CAST: variants seen among roughly 807,000 people sequenced by gnomAD.
The protein encoded by CAST is calpastatin, also known as MIR583 host.
Under a neutral mutation model 119.6 loss-of-function variants are expected in CAST, and 76 were observed. The ratio of observed to expected loss-of-function variants is 0.64; its 90% CI spans 0.53 to 0.77. The LOEUF is 0.77. Ranked by LOEUF, CAST falls within the 30% of genes least tolerant of loss-of-function variation. The probability of loss-of-function intolerance (pLI) is 0.00; values close to 1 mark genes in which losing one functional copy is unlikely to be tolerated. For missense variants in CAST, 953 were observed against 946.5 expected, an observed-to-expected ratio of 1.01 and a Z score of -0.09; for synonymous variants, 319 against 331.6, an observed-to-expected ratio of 0.96 and a Z score of 0.41.
At chr5:96,443,332 C>A in the CAST span, among the ~76,000 whole-genome samples, 1 of 152,286 alleles carries the variant, frequency 6.6e-6, no homozygotes, top group African/African-American at 2.4e-5. Context: ...ATTATTCTTA[C>A]AATCCAATAA....
intron 1 of CAST, among the ~76,000 whole-genome samples, chr5:96,564,439 A>G (rs976006510): frequency 6.6e-6 from 1 of 152,258 alleles, no homozygotes; most frequent in Non-Finnish European, 1.5e-5. Flanking sequence ...TTCCTTTTCA[A>G]AACAGAATCC....
At chr5:96,221,244 A>G in the CAST span, among the ~76,000 whole-genome samples, 2 of 152,252 alleles carry the variant, frequency 1.3e-5, no homozygotes, top group South Asian at 4.1e-4. Flanking sequence ...CCTATTCAAC[A>G]TAATACTGGA....
chr5:96,491,822 A>G, the CAST span, among the ~76,000 whole-genome samples: 1 of 152,244 alleles, frequency 6.6e-6, no homozygotes, highest in Non-Finnish European at 1.5e-5. Flanking sequence ...CACTATATGC[A>G]ATGAAGATGA....
chr5:96,479,451 T>C, the CAST span, among the ~76,000 whole-genome samples: 1 of 87,540 alleles, frequency 1.1e-5, no homozygotes, highest in Non-Finnish European at 2.4e-5. Flanking sequence ...CAGGCACTCC[T>C]TATTTTTTTT....
At chr5:96,169,321 G>T in the CAST span, among the ~76,000 whole-genome samples, 37 of 152,294 alleles carry the variant, frequency 2.4e-4, 1 homozygote, top group African/African-American at 8.2e-4. Context: ...AACTGAAAGC[G>T]AAGAGAGGCT....
chr5:96,216,734 T>C, the CAST span, among the ~76,000 whole-genome samples: 4 of 152,260 alleles, frequency 2.6e-5, no homozygotes, highest in African/African-American at 9.6e-5. Flanking sequence ...AGTTTTATCA[T>C]TAGCATCAAA....
At chr5:96,211,669 A>T in the CAST span, among the ~76,000 whole-genome samples, 1 of 152,008 alleles carries the variant, frequency 6.6e-6, no homozygotes, top group Non-Finnish European at 1.5e-5. Context: ...TGAATTAGGC[A>T]TGTTATCTTA....
chr5:96,232,584 G>A, the CAST span, among the ~76,000 whole-genome samples: 925 of 151,996 alleles, frequency 6.1e-3, 11 homozygotes, highest in African/African-American at 0.022. Flanking sequence ...AATTTAATAC[G>A]AAAAACTCAG....
the CAST span, among the ~76,000 whole-genome samples, chr5:96,417,269 A>G: frequency 6.6e-6 from 1 of 152,308 alleles, no homozygotes; most frequent in Non-Finnish European, 1.5e-5. Flanking sequence ...CCACAAAATA[A>G]GATTCCTGCT....
At chr5:96,592,968 T>C (rs371684872) in intron 1 of CAST, among the ~76,000 whole-genome samples, 1 of 152,152 alleles carries the variant, frequency 6.6e-6, no homozygotes, top group Non-Finnish European at 1.5e-5. Context: ...GGTTTCACCA[T>C]GTTAGCCAGG....
chr5:96,646,749 ATTTC>A (rs1748019038), intron 1 of CAST, among the ~76,000 whole-genome samples: 2 of 152,182 alleles, frequency 1.3e-5, no homozygotes, highest in Admixed American at 6.5e-5. Context: ...TAAACACAGC[ATTTC>A]TTTGTCTATT....
At chr5:96,255,409 A>G in the CAST span, among the ~76,000 whole-genome samples, 1 of 152,180 alleles carries the variant, frequency 6.6e-6, no homozygotes, top group Non-Finnish European at 1.5e-5. Context: ...AAAGGCACAG[A>G]TCATTTATTT....
chr5:96,706,361 C>T (rs1223271927), intron 3 of CAST, among the ~76,000 whole-genome samples: 1 of 152,098 alleles, frequency 6.6e-6, no homozygotes, highest in Non-Finnish European at 1.5e-5. Context: ...TGATGCTAGG[C>T]ATACAGAGGT....
chr5:96,475,875 G>A, the CAST span, among the ~76,000 whole-genome samples: 4 of 152,156 alleles, frequency 2.6e-5, no homozygotes, highest in African/African-American at 7.2e-5. Flanking sequence ...CGGGTCACCC[G>A]TGCAGGCAAA....
the CAST span, among the ~76,000 whole-genome samples, chr5:95,998,267 T>A: frequency 2.6e-5 from 4 of 152,188 alleles, no homozygotes; most frequent in Middle Eastern, 3.4e-3. Flanking sequence ...TAAATTTAAA[T>A]TTTTTTATAT....
chr5:96,754,624 A>G lies in CAST; in HGVS notation c.1627-34A>G, dbSNP rs377756923. On this transcript the variant is annotated intron_variant, in intron 21 of 31. Transcript: ENST00000675179. ...ATGAATTTTATGGAGAGAAAAAAAC[A>G]TGCTAACAATGAAAATGGTATAATT... The G allele has an allele frequency of 3.2e-5, 41 of 1,281,920 alleles. No individual in the cohort carries two copies. The African/African-American group carries it at 4.8e-4, about 15-fold the overall frequency. The allele number at this position is 1,281,920 out of a possible 1,614,324, so 79.4% of individuals were successfully genotyped here.
At chr5:96,684,936 A>G (rs1313298016) in intron 2 of CAST, among the ~76,000 whole-genome samples, 1 of 151,186 alleles carries the variant, frequency 6.6e-6, no homozygotes, top group Non-Finnish European at 1.5e-5. Context: ...AAAGAATATG[A>G]AAATAATGTG....
At chr5:95,973,345 T>C in the CAST span, 1 of 153,476 alleles carries the variant, frequency 6.5e-6, no homozygotes, top group East Asian at 1.9e-4. Flanking sequence ...TTGCATGCAT[T>C]TTTCACAGAA....
Position 96,534,688 on chromosome 5 carries a change from G to GAGGAGGGAAGGA in CAST, c.60+4812_60+4813insGGGAAGGAAGGA, listed in dbSNP as rs764479104. ...CATCAAAGAAAGAAAGAGAGAGAGA[G>GAGGAGGGAAGGA]AGGAAGGAAGGAAGGAAGGAAGGAA... On this transcript the variant is annotated intron_variant, in intron 1 of 11. Coordinates refer to the CAST transcript ENST00000505143. 1.1e-4 allele frequency among the ~76,000 whole-genome samples: 4 copies of GAGGAGGGAAGGA among 36,958 alleles called. 1 individual carries two copies. The highest frequency in any genetic ancestry group is 2.3e-4 in the Non-Finnish European group (4 of 17,518). The allele number at this position is 36,958 out of a possible 152,430, so 24.2% of individuals were successfully genotyped here.
Sources: allele counts gnomAD v4.1 joint callset (sites outside exome capture counted in the v4.1 genomes callset), GRCh38; gene constraint gnomAD v4.1.1; transcripts MANE v1.5; gene names NCBI Gene and HGNC (gene_info 2026-07-23, HGNC 2026-07-21).